Variants in PHLDB2 observed in about 807,000 individuals in gnomAD.
PHLDB2 encodes pleckstrin homology like domain family B member 2, also known as pleckstrin homology-like domain family B member 2.
In PHLDB2, 71 loss-of-function variants were observed where a neutral mutation model predicts 123.6. The ratio of observed to expected loss-of-function variants is 0.57; its 90% CI spans 0.47 to 0.70. PHLDB2 has a LOEUF of 0.70. Ranked by LOEUF, PHLDB2 falls within the 30% of genes least tolerant of loss-of-function variation. PHLDB2 has a pLI of 0.00. For missense variants in PHLDB2, 1,446 were observed against 1,519.5 expected, an observed-to-expected ratio of 0.95 and a Z score of 0.80; for synonymous variants, 547 against 541.6, an observed-to-expected ratio of 1.01 and a Z score of -0.14.
At chr3:111,934,673 A>G (rs1189553541) in intron 6 of PHLDB2, among the ~76,000 whole-genome samples, 2 of 152,212 alleles carry the variant, frequency 1.3e-5, no homozygotes, top group Non-Finnish European at 2.9e-5. Flanking sequence ...TGTGGTTGGT[A>G]TGTTGTTAAC....
At chr3:111,893,882 T>C (rs1453593268) in intron 2 of PHLDB2, among the ~76,000 whole-genome samples, 4 of 137,800 alleles carry the variant, frequency 2.9e-5, no homozygotes, top group African/African-American at 1.0e-4. Flanking sequence ...TATTTCTTTT[T>C]TTTTTTTTTG....
chr3:111,826,949 A>G (rs989874450), intron 1 of PHLDB2, among the ~76,000 whole-genome samples: 8 of 152,156 alleles, frequency 5.3e-5, no homozygotes, highest in Non-Finnish European at 1.2e-4. Context: ...GAAAAAGAAA[A>G]TGATGATGGC....
chr3:111,828,156 C>T (rs997068525), intron 1 of PHLDB2, among the ~76,000 whole-genome samples: 7 of 152,328 alleles, frequency 4.6e-5, no homozygotes, highest in Admixed American at 3.3e-4. Flanking sequence ...CAGTGTATTT[C>T]CCAAATGCTC....
chr3:111,734,496 C>G (rs1006263811), intron 1 of PHLDB2, among the ~76,000 whole-genome samples: 3 of 152,206 alleles, frequency 2.0e-5, no homozygotes, highest in Admixed American at 1.3e-4. Flanking sequence ...ACACACAGGT[C>G]TGACCTGTCC....
chr3:111,735,917 TG>T (rs1941672647), intron 1 of PHLDB2, among the ~76,000 whole-genome samples: 1 of 152,200 alleles, frequency 6.6e-6, no homozygotes, highest in South Asian at 2.1e-4. Context: ...CATTCTGTTC[TG>T]GGAAACATAC....
intron 17 of PHLDB2, 125 bp from the exon 18 acceptor site, chr3:111,974,298 C>A: frequency 2.1e-6 from 2 of 933,946 alleles, no homozygotes; most frequent in South Asian, 2.2e-5. Context: ...TATAGTAGAG[C>A]AAAAGTAACG....
At chr3:111,837,085 C>A (rs868437150) in intron 1 of PHLDB2, among the ~76,000 whole-genome samples, 2 of 152,108 alleles carry the variant, frequency 1.3e-5, no homozygotes, top group Admixed American at 6.6e-5. Context: ...ACCTCAGTAT[C>A]CTGTTATAAC....
At chr3:111,927,252 C>T (rs943380032) in intron 5 of PHLDB2, among the ~76,000 whole-genome samples, 9 of 151,556 alleles carry the variant, frequency 5.9e-5, no homozygotes, top group Admixed American at 2.0e-4. Flanking sequence ...ACTGGCCAGG[C>T]GTGGAGACTC....
At chr3:111,966,774 A>G in intron 14 of PHLDB2, 71 bp downstream of exon 14, 2 of 1,155,090 alleles carry the variant, frequency 1.7e-6, no homozygotes, top group East Asian at 2.4e-5. Flanking sequence ...GGCATCAGAC[A>G]ATACTCCTCC....
At chr3:111,841,171 C>T (rs2063675546) in intron 1 of PHLDB2, among the ~76,000 whole-genome samples, 1 of 152,184 alleles carries the variant, frequency 6.6e-6, no homozygotes, top group African/African-American at 2.4e-5. Context: ...GTGATCTTGG[C>T]TCACTGCAAC....
intron 9 of PHLDB2, among the ~76,000 whole-genome samples, chr3:111,948,271 G>A (rs2107623628): frequency 6.6e-6 from 1 of 152,224 alleles, no homozygotes. Context: ...GTGTGCATGT[G>A]TGTCTGTGTG....
At chr3:111,959,015 A>C (rs977278365) in intron 12 of PHLDB2, among the ~76,000 whole-genome samples, 4 of 152,226 alleles carry the variant, frequency 2.6e-5, no homozygotes, top group Non-Finnish European at 5.9e-5. Flanking sequence ...TTTCCTGATA[A>C]AGCTTCAATG....
intron 1 of PHLDB2, chr3:111,859,830 A>G: frequency 1.0e-6 from 1 of 985,804 alleles, no homozygotes; most frequent in South Asian, 4.7e-5. Context: ...GCTAGGCGCT[A>G]GGGCGGCGGC....
At chr3:111,879,431 T>C (rs1327978473) in intron 1 of PHLDB2, among the ~76,000 whole-genome samples, 1 of 152,138 alleles carries the variant, frequency 6.6e-6, no homozygotes, top group Non-Finnish European at 1.5e-5. Context: ...TACTATTTAT[T>C]AAGTGGAAGT....
At chr3:111,764,340 G>A (rs1169392530) in intron 1 of PHLDB2, among the ~76,000 whole-genome samples, 1 of 152,142 alleles carries the variant, frequency 6.6e-6, no homozygotes, top group African/African-American at 2.4e-5. Context: ...TGATACAACT[G>A]ACTAAAACAA....
At chr3:111,830,130 G>A (rs1006462274) in intron 1 of PHLDB2, among the ~76,000 whole-genome samples, 1 of 152,086 alleles carries the variant, frequency 6.6e-6, no homozygotes, top group Admixed American at 6.5e-5. Flanking sequence ...TTTGGAGCAG[G>A]CCTCCACTTT....
intron 13 of PHLDB2, among the ~76,000 whole-genome samples, chr3:111,962,563 A>G (rs551988367): frequency 6.6e-6 from 1 of 152,250 alleles, no homozygotes; most frequent in East Asian, 1.9e-4. Flanking sequence ...CTTGAGCTCA[A>G]ATTTACACTG....
At chr3:111,923,590 G>A (rs1481383555) in intron 5 of PHLDB2, among the ~76,000 whole-genome samples, 1 of 152,036 alleles carries the variant, frequency 6.6e-6, no homozygotes, top group Non-Finnish European at 1.5e-5. Flanking sequence ...ATTTCCAATT[G>A]AACACACCCA....
chr3:111,758,789 A>G (rs10934107), intron 1 of PHLDB2, among the ~76,000 whole-genome samples: 76,036 of 152,100 alleles, frequency 0.5, 19,609 homozygotes, highest in African/African-American at 0.62. Context: ...TTTGCTGTTA[A>G]TATAGCTTGA....
Sources: allele counts gnomAD v4.1 joint callset (sites outside exome capture counted in the v4.1 genomes callset), GRCh38; gene constraint gnomAD v4.1.1; transcripts MANE v1.5; gene names NCBI Gene and HGNC (gene_info 2026-07-23, HGNC 2026-07-21).